Variants in PRIM2 observed in about 807,000 individuals in gnomAD.
PRIM2 encodes DNA primase subunit 2.
In PRIM2, 39 loss-of-function variants were observed where a neutral mutation model predicts 67.3. That is an observed-to-expected ratio of 0.58 (90% CI 0.45 to 0.76). The LOEUF (loss-of-function observed/expected upper bound fraction) is 0.76. PRIM2 is among the 30% of genes least tolerant of loss of function. The pLI, the probability that PRIM2 is intolerant of heterozygous loss-of-function variation, is 0.00. For synonymous variants in PRIM2, 143 were observed against 198.7 expected (o/e 0.72, Z 2.36); for missense variants, 398 against 598.7 (o/e 0.66, Z 3.50).
In PRIM2 at chr6:57,327,754, G is replaced by A. The variant is rs1767915189; in HGVS notation, c.459+1709G>A. On this transcript the variant is annotated intron_variant, in intron 5 of 13. Coordinates refer to ENST00000615550, the MANE Select transcript of PRIM2 (RefSeq NM_000947.5). ...TTGTTGAAATTACTGATTTTTAGTAGGTCATAGAGAGAGGTGTCCTTGAGA... is the reference window on the plus strand; with the variant it reads ...TTGTTGAAATTACTGATTTTTAGTAAGTCATAGAGAGAGGTGTCCTTGAGA... Among the ~76,000 whole-genome samples, 3 of 152,156 alleles carry A rather than the reference G, an allele frequency of 2.0e-5. No individual in the cohort carries two copies. The South Asian group carries it at 6.2e-4, about 32-fold the overall frequency.
intron 5 of PRIM2, among the ~76,000 whole-genome samples, chr6:57,352,199 A>G (rs1768878781): frequency 6.6e-6 from 1 of 152,154 alleles, no homozygotes; most frequent in South Asian, 2.1e-4. Flanking sequence ...TTTGTGATAA[A>G]TATGTAATTC....
chr6:57,618,583 G>C (rs1443770524), intron 12 of PRIM2, among the ~76,000 whole-genome samples: 6 of 152,280 alleles, frequency 3.9e-5, no homozygotes, highest in East Asian at 1.9e-4. Context: ...GGTCTGTTGT[G>C]GGGGGCATGG....
chr6:57,232,428 TGTAA>T, the PRIM2 span, among the ~76,000 whole-genome samples: 2 of 152,196 alleles, frequency 1.3e-5, no homozygotes, highest in African/African-American at 4.8e-5. Context: ...GGCGCGTGCC[TGTAA>T]TCCCAGCTGC....
intron 10 of PRIM2, among the ~76,000 whole-genome samples, chr6:57,539,154 T>C (rs1410733537): frequency 1.3e-5 from 2 of 152,180 alleles, no homozygotes; most frequent in East Asian, 3.8e-4. Context: ...TTTGAGCAGT[T>C]TTGGATAATG....
chr6:57,274,279 G>C, the PRIM2 span, among the ~76,000 whole-genome samples: 1 of 152,260 alleles, frequency 6.6e-6, no homozygotes, highest in East Asian at 1.9e-4. Context: ...GCTCCACCCA[G>C]TTCGAGCTTC....
At chr6:57,259,034 C>T in the PRIM2 span, among the ~76,000 whole-genome samples, 4 of 152,146 alleles carry the variant, frequency 2.6e-5, no homozygotes, top group Non-Finnish European at 5.9e-5. Context: ...TCCCATGTAC[C>T]ATGGCAAACA....
intron 13 of PRIM2, among the ~76,000 whole-genome samples, chr6:57,634,155 T>C (rs1299781583): frequency 1.3e-5 from 2 of 152,234 alleles, no homozygotes; most frequent in Non-Finnish European, 2.9e-5. Flanking sequence ...ATGACTGTAC[T>C]GTCCTATGAT....
chr6:57,382,214 A>G (rs1368343620), intron 7 of PRIM2, 46 bp downstream of exon 7: 2 of 1,589,064 alleles, frequency 1.3e-6, no homozygotes, highest in Admixed American at 3.4e-5. Flanking sequence ...TCACACTTTC[A>G]GTTATATACC....
At chr6:57,269,427 G>A in the PRIM2 span, among the ~76,000 whole-genome samples, 1 of 152,018 alleles carries the variant, frequency 6.6e-6, no homozygotes, top group East Asian at 1.9e-4. Flanking sequence ...CTGCATAAAT[G>A]TCTTCTTTTG....
intron 7 of PRIM2, among the ~76,000 whole-genome samples, chr6:57,384,846 A>G (rs1770087030): frequency 6.6e-6 from 1 of 152,200 alleles, no homozygotes; most frequent in Non-Finnish European, 1.5e-5. Flanking sequence ...CCAGTGCCCA[A>G]AAACCTAACT....
chr6:57,359,516 A>C (rs1426552812), intron 5 of PRIM2, among the ~76,000 whole-genome samples: 1 of 152,200 alleles, frequency 6.6e-6, no homozygotes, highest in Non-Finnish European at 1.5e-5. Context: ...TGAATACCTG[A>C]CCATCAGAAT....
At chr6:57,490,538 A>G (rs1773864651) in intron 7 of PRIM2, among the ~76,000 whole-genome samples, 2 of 152,350 alleles carry the variant, frequency 1.3e-5, no homozygotes, top group Non-Finnish European at 2.9e-5. Context: ...GGGATCAATA[A>G]TTAAAAATAA....
chr6:57,524,214 T>C (rs1370352843), intron 8 of PRIM2, among the ~76,000 whole-genome samples: 15 of 152,264 alleles, frequency 9.9e-5, no homozygotes, highest in African/African-American at 3.6e-4. Context: ...CTTTCTCTTT[T>C]CAGCCTATAA....
the PRIM2 span, among the ~76,000 whole-genome samples, chr6:57,272,926 C>T: frequency 6.6e-6 from 1 of 152,144 alleles, no homozygotes; most frequent in African/African-American, 2.4e-5. Context: ...GTTGAAAATT[C>T]TTTTCTTGAA....
intron 12 of PRIM2, among the ~76,000 whole-genome samples, chr6:57,624,534 T>C (rs1448743154): frequency 3.9e-5 from 6 of 152,190 alleles, no homozygotes; most frequent in Non-Finnish European, 7.3e-5. Context: ...AGATCTTCTG[T>C]TGAAGAGGGA....
chr6:57,256,463 A>G, the PRIM2 span, among the ~76,000 whole-genome samples: 1 of 152,236 alleles, frequency 6.6e-6, no homozygotes, highest in Non-Finnish European at 1.5e-5. Context: ...TAGACTTGAT[A>G]AAATAACGTA....
At chr6:57,628,579 T>C (rs1469617270) in intron 12 of PRIM2, among the ~76,000 whole-genome samples, 3 of 152,224 alleles carry the variant, frequency 2.0e-5, no homozygotes, top group Non-Finnish European at 4.4e-5. Flanking sequence ...GGGCTGCTAA[T>C]GATCCCATTG....
chr6:57,544,505 G>C (rs1358977153), intron 10 of PRIM2, among the ~76,000 whole-genome samples: 2 of 152,128 alleles, frequency 1.3e-5, no homozygotes, highest in Non-Finnish European at 2.9e-5. Flanking sequence ...TATTAAGTGA[G>C]TCCTATATAT....
intron 13 of PRIM2, among the ~76,000 whole-genome samples, chr6:57,633,320 A>G (rs1310129581): frequency 2.0e-5 from 3 of 152,190 alleles, no homozygotes; most frequent in African/African-American, 4.8e-5. Flanking sequence ...CTCTAAGTAC[A>G]TATGTGTATT....
Sources: allele counts gnomAD v4.1 joint callset (sites outside exome capture counted in the v4.1 genomes callset), GRCh38; gene constraint gnomAD v4.1.1; transcripts MANE v1.5; gene names NCBI Gene and HGNC (gene_info 2026-07-23, HGNC 2026-07-21).